The following ZNF226 variants were observed in gnomAD, a reference collection of about 807,000 sequenced individuals.
The protein encoded by ZNF226 is zinc finger protein 226.
In ZNF226, 6 loss-of-function variants were observed where a neutral mutation model predicts 11.4. That is an observed-to-expected ratio of 0.53 (90% confidence interval 0.29 to 1.04). The LOEUF (loss-of-function observed/expected upper bound fraction) is 1.04, where lower values mean the gene tolerates loss of function less well. Among genes scored for constraint, ZNF226 ranks in the 50% least tolerant of loss-of-function variants. ZNF226 has a pLI of 0.08. For synonymous variants in ZNF226, 350 were observed against 322.8 expected (o/e 1.08, Z -0.90); for missense variants, 1,058 against 956.5 (o/e 1.11, Z -1.40).
chr19:44,180,086 C>CAA (rs60173546), downstream of ZNF226, among the ~76,000 whole-genome samples: 929 of 53,670 alleles, frequency 0.017, 15 homozygotes, highest in Non-Finnish European at 0.023. Context: ...GACTCTGTCT[C>CAA]AAAAAAAAAA....
chr19:44,194,249 G>A, the ZNF226 span, among the ~76,000 whole-genome samples: 1 of 152,122 alleles, frequency 6.6e-6, no homozygotes, highest in Non-Finnish European at 1.5e-5. Flanking sequence ...GACGTTCCTA[G>A]TGGCATTTAT....
chr19:44,178,354 C>T (rs1271762301), downstream of ZNF226: 1 of 152,126 alleles, frequency 6.6e-6, no homozygotes, highest in Non-Finnish European at 1.5e-5. Context: ...CTTATTTTTT[C>T]AACACTGTTA....
In ZNF226 at chr19:44,176,967, A is replaced by G; in HGVS notation, c.1705A>G (p.Asn569Asp). 1 of 1,614,040 alleles carries G rather than the reference A, an allele frequency of 6.2e-7. No homozygotes were observed. ...GTGTGAGGAGTGTGGGCAGGGTTTC[A>G]ATCAGAGCTCACGACTTCAGATTCA... ...FKCEECGQGFNQSSRLQIHQL... is the reference protein window; with the variant it reads ...FKCEECGQGFDQSSRLQIHQL... The change falls in exon 6 of 6, where the codon AAT becomes GAT. Residue 569 changes from asparagine to aspartate, a missense_variant. By Grantham distance (23) the Asn-to-Asp change is conservative (BLOSUM62 1). Transcript: ENST00000337433.
At chr19:44,189,069 G>C in the ZNF226 span, among the ~76,000 whole-genome samples, 1 of 152,104 alleles carries the variant, frequency 6.6e-6, no homozygotes, top group Non-Finnish European at 1.5e-5. Context: ...AGGTTTGGAG[G>C]GAGTGGCTCT....
At chr19:44,184,771 C>G in the ZNF226 span, among the ~76,000 whole-genome samples, 1 of 152,100 alleles carries the variant, frequency 6.6e-6, no homozygotes, top group Non-Finnish European at 1.5e-5. Flanking sequence ...TACAAAAACA[C>G]ATAACACTAA....
At chr19:44,192,209 C>T in the ZNF226 span, among the ~76,000 whole-genome samples, 66 of 152,160 alleles carry the variant, frequency 4.3e-4, 1 homozygote, top group Non-Finnish European at 2.8e-4. Context: ...TATTATTCCC[C>T]TAGATTCTCC....
At chr19:44,172,434 T>A (rs1309161206) in intron 4 of ZNF226, 1 of 484,840 alleles carries the variant, frequency 2.1e-6, no homozygotes, top group East Asian at 4.6e-5. Context: ...CTATGCCTTG[T>A]CTATTCTTTT....
the ZNF226 span, among the ~76,000 whole-genome samples, chr19:44,185,881 A>G: frequency 6.6e-6 from 1 of 152,110 alleles, no homozygotes; most frequent in African/African-American, 2.4e-5. Context: ...CTAGGATTTT[A>G]ACAGTTTTAG....
rs761325261 is a variant in ZNF226 at position 44,175,602 on chromosome 19, T to C, written c.340T>C (p.Cys114Arg). 1.2e-6 allele frequency: 2 copies of C among 1,613,874 alleles called. No homozygotes were observed. The highest frequency in any genetic ancestry group is 1.7e-6 in the Non-Finnish European group (2 of 1,179,834). Residue 114 changes from cysteine (C) to arginine (R), a missense_variant, in exon 6 of 6, where the codon TGT becomes CGT. Physicochemically the swap from Cys to Arg is radical, Grantham distance 180. Coordinates refer to ENST00000337433, the MANE Select transcript of ZNF226 (RefSeq NM_001032373.2). Reference protein sequence around the residue: ...WQQIANDLTRCQDSMINNSQC... With the variant: ...WQQIANDLTRRQDSMINNSQC... Reference sequence around the variant, plus strand: ...ACAAATTGCAAATGACTTAACCAGGTGTCAAGACTCCATGATCAATAATTC... The same window carrying C: ...ACAAATTGCAAATGACTTAACCAGGCGTCAAGACTCCATGATCAATAATTC...
intron 3 of ZNF226, among the ~76,000 whole-genome samples, chr19:44,171,848 A>T (rs1246262760): frequency 6.6e-6 from 1 of 152,224 alleles, no homozygotes; most frequent in African/African-American, 2.4e-5. Flanking sequence ...TTCAGCAGGT[A>T]ACAGTTCCAG....
chr19:44,183,281 G>A (rs1236173170), downstream of ZNF226, among the ~76,000 whole-genome samples: 1 of 152,140 alleles, frequency 6.6e-6, no homozygotes, highest in Non-Finnish European at 1.5e-5. Flanking sequence ...GAATGTTTTT[G>A]CTTAGGCCCG....
In ZNF226 at chr19:44,177,230, A is replaced by C. The variant is rs1568574489; in HGVS notation, c.1968A>C (p.Ala656=). ...EECGKSFGRS[A]HLQAHQKVHT... is the part of the protein sequence containing the mutation. ...GTGGGAAGAGTTTCGGTCGGAGTGC[A>C]CATCTTCAAGCCCATCAAAAAGTCC... Residue 656 remains alanine, a synonymous_variant, in exon 6 of 6, where the codon GCA becomes GCC. Coordinates refer to ENST00000337433, the MANE Select transcript of ZNF226 (RefSeq NM_001032373.2). 1 of 1,613,984 alleles carries C rather than the reference A, an allele frequency of 6.2e-7. No homozygotes were observed. Among genetic ancestry groups the C allele is most frequent in the Non-Finnish European group, 8.5e-7 (1 of 1,179,992 alleles).
Position 44,176,131 on chromosome 19 carries a change from G to T in ZNF226, c.869G>T (p.Cys290Phe). ...TGTGTTGAGCGTGGAAAAGGCTTCTGTTACAGCCCAGTTCTTCCTGTTCAT... is the reference window on the plus strand; with the variant it reads ...TGTGTTGAGCGTGGAAAAGGCTTCTTTTACAGCCCAGTTCTTCCTGTTCAT... ...LTCVERGKGF[C>F]YSPVLPVHQK... The change falls in exon 6 of 6, where the codon TGT becomes TTT. Residue 290 changes from cysteine (C) to phenylalanine (F), a missense_variant. Transcript: ENST00000337433. The T allele has an allele frequency of 6.2e-7, 1 of 1,614,190 alleles. No individual in the cohort carries two copies. The highest frequency in any genetic ancestry group is 8.5e-7 in the Non-Finnish European group (1 of 1,180,020).
chr19:44,181,380 T>C (rs1440870575), downstream of ZNF226, among the ~76,000 whole-genome samples: 1 of 152,070 alleles, frequency 6.6e-6, no homozygotes, highest in East Asian at 1.9e-4. Flanking sequence ...AGACACTGTC[T>C]CAAGAAAAAA....
At chr19:44,175,344 T>G in intron 5 of ZNF226, 154 bp from the exon 6 acceptor site, 2 of 1,417,186 alleles carry the variant, frequency 1.4e-6, no homozygotes, top group Non-Finnish European at 1.8e-6. Context: ...TCTTGGTTTC[T>G]GTCAGTATGT....
At chr19:44,192,564 T>C in the ZNF226 span, among the ~76,000 whole-genome samples, 1 of 152,240 alleles carries the variant, frequency 6.6e-6, no homozygotes, top group South Asian at 2.1e-4. Context: ...AAAGACAACA[T>C]GAAGCATGTT....
At chr19:44,175,379 C>T (rs1021954681) in intron 5 of ZNF226, 119 bp from the exon 6 acceptor site, 35 of 1,432,474 alleles carry the variant, frequency 2.4e-5, no homozygotes, top group Middle Eastern at 2.6e-4. Context: ...AAATGTGTCA[C>T]AAAAGATGAG....
chr19:44,177,550 G>C lies in ZNF226; in HGVS notation c.2288G>C (p.Ser763Thr). The C allele has an allele frequency of 6.2e-7, 1 of 1,614,076 alleles. No homozygotes were observed. The highest frequency in any genetic ancestry group is 8.5e-7 in the Non-Finnish European group (1 of 1,179,926). ...KPYKCEICGKSFSWRSNLTVH... is the reference protein window; with the variant it reads ...KPYKCEICGKTFSWRSNLTVH... ...TATAAATGTGAGATATGTGGTAAGA[G>C]CTTCAGTTGGCGATCAAATCTTACA... is the stretch of plus-strand genomic sequence containing the variant. Residue 763 changes from serine to threonine, a missense_variant, in exon 6 of 6, where the codon AGC becomes ACC. Transcript: ENST00000337433.
downstream of ZNF226, among the ~76,000 whole-genome samples, chr19:44,182,570 C>G (rs948870494): frequency 2.0e-5 from 3 of 152,194 alleles, no homozygotes; most frequent in Non-Finnish European, 4.4e-5. Context: ...TCGGAAGACA[C>G]TCTTTGCCAA....
Sources: gnomAD v4.1 joint callset for allele counts (sites outside exome capture counted in the v4.1 genomes callset) on GRCh38, gnomAD v4.1.1 for gene constraint, MANE v1.5 for transcripts, NCBI Gene and HGNC (gene_info 2026-07-23, HGNC 2026-07-21) for gene names.